The following TLE1 variants were observed in gnomAD, a reference collection of about 807,000 sequenced individuals.
The protein encoded by TLE1 is transducin-like enhancer protein 1.
A neutral mutation model predicts 89.8 loss-of-function variants in TLE1; 21 were observed. The ratio of observed to expected loss-of-function variants is 0.23; its 90% CI spans 0.17 to 0.34. The LOEUF (loss-of-function observed/expected upper bound fraction) is 0.34, where lower values mean the gene tolerates loss of function less well. TLE1 is among the 10% of genes least tolerant of loss of function. TLE1 has a pLI of 1.00. For synonymous variants in TLE1, 447 were observed against 407.6 expected (o/e 1.10, Z -1.16); for missense variants, 795 against 1,031.2 (o/e 0.77, Z 3.14).
chr9:81,661,833 A>G (rs183914481), intron 4 of TLE1, among the ~76,000 whole-genome samples: 59 of 152,326 alleles, frequency 3.9e-4, no homozygotes, highest in Non-Finnish European at 8.2e-4. Context: ...TAAGTAAGGT[A>G]GGTCATTCAG....
chr9:81,624,958 T>C (rs1033106189), intron 8 of TLE1, among the ~76,000 whole-genome samples: 2 of 152,084 alleles, frequency 1.3e-5, no homozygotes, highest in African/African-American at 4.8e-5. Flanking sequence ...TGGCATACAC[T>C]TGTGGGTACA....
intron 9 of TLE1, among the ~76,000 whole-genome samples, chr9:81,618,946 C>T (rs1314315128): frequency 6.6e-6 from 1 of 151,980 alleles, no homozygotes; most frequent in African/African-American, 2.4e-5. Context: ...CCAACATACT[C>T]TCCACACATG....
chr9:81,677,594 T>C (rs1420481594), intron 4 of TLE1, among the ~76,000 whole-genome samples: 3 of 145,808 alleles, frequency 2.1e-5, no homozygotes, highest in Non-Finnish European at 3.0e-5. Flanking sequence ...AGTAAACAAC[T>C]CAGGTAAACG....
At chr9:81,681,872 A>G (rs1393736572) in intron 4 of TLE1, among the ~76,000 whole-genome samples, 2 of 152,152 alleles carry the variant, frequency 1.3e-5, no homozygotes, top group Non-Finnish European at 2.9e-5. Context: ...CATCAGCACA[A>G]AGAGTCAGAA....
chr9:81,610,957 C>G (rs1389435820), intron 13 of TLE1, among the ~76,000 whole-genome samples: 1 of 152,152 alleles, frequency 6.6e-6, no homozygotes, highest in African/African-American at 2.4e-5. Flanking sequence ...ACTGCACAGC[C>G]TCTCCTACAA....
intron 6 of TLE1, among the ~76,000 whole-genome samples, chr9:81,638,582 T>C (rs547932506): frequency 2.9e-4 from 44 of 152,166 alleles, no homozygotes; most frequent in Non-Finnish European, 4.4e-4. Flanking sequence ...CTGATACTAC[T>C]ATATAGCCAA....
chr9:81,629,548 T>G (rs1175938491), intron 8 of TLE1, among the ~76,000 whole-genome samples: 1 of 152,214 alleles, frequency 6.6e-6, no homozygotes, highest in African/African-American at 2.4e-5. Context: ...CATAAAAACT[T>G]TCACTCTTAG....
intron 6 of TLE1, among the ~76,000 whole-genome samples, chr9:81,641,753 T>C (rs1410201648): frequency 6.6e-6 from 1 of 152,216 alleles, no homozygotes; most frequent in Non-Finnish European, 1.5e-5. Context: ...CTGGGCGCAG[T>C]GGCTCACGCC....
At chr9:81,685,240 A>G (rs1425261480) in intron 4 of TLE1, among the ~76,000 whole-genome samples, 2 of 152,128 alleles carry the variant, frequency 1.3e-5, no homozygotes, top group Admixed American at 1.3e-4. Context: ...ATAGTCATAT[A>G]CCTTGATTAC....
rs1828001714 is a variant in TLE1, at chr9:81,584,044, C to A, written c.*154G>T. ...TGACTTTCTGCTGATGGACTTGTCG[C>A]CTCCTCTTTGTAGACTCAAAGTAGT... On this transcript the variant is annotated 3_prime_UTR_variant, in exon 20 of 20. Transcript: ENST00000376499. 3.3e-5 allele frequency: 22 copies of A among 663,778 alleles called. No individual in the cohort carries two copies. The East Asian group carries it at 6.0e-4, about 18-fold the overall frequency. 41.1% of individuals were successfully genotyped at this position (663,778 alleles called of 1,614,324 possible).
chr9:81,664,787 G>C (rs1481734052), intron 4 of TLE1, among the ~76,000 whole-genome samples: 2 of 152,126 alleles, frequency 1.3e-5, no homozygotes, highest in African/African-American at 4.8e-5. Context: ...TCAAACTCCA[G>C]CGTACACGAG....
Position 81,688,428 on chromosome 9 carries a change from C to T in TLE1, c.-188G>A. 3.5e-6 allele frequency: 2 copies of T among 566,034 alleles called. No individual in the cohort carries two copies. Among genetic ancestry groups the T allele is most frequent in the Non-Finnish European group, 5.8e-6 (2 of 345,918 alleles). The allele number at this position is 566,034 out of a possible 1,614,324, so 35.1% of individuals were successfully genotyped here. ...CCGCAGCTGCTCCGGCTCCCGCTCC[C>T]GTCGGTGCGGGCTCCGGCCCTCAGG... On this transcript the variant is annotated 5_prime_UTR_variant, in exon 1 of 20. Transcript: ENST00000376499.
At chr9:81,669,526 TAC>T (rs1207166400) in intron 4 of TLE1, among the ~76,000 whole-genome samples, 1 of 152,202 alleles carries the variant, frequency 6.6e-6, no homozygotes, top group Non-Finnish European at 1.5e-5. Flanking sequence ...TTTTAACTAA[TAC>T]AGAGAATCAT....
chr9:81,614,950 T>G (rs1587973995), intron 11 of TLE1, among the ~76,000 whole-genome samples: 2 of 151,364 alleles, frequency 1.3e-5, no homozygotes, highest in Admixed American at 6.6e-5. Flanking sequence ...ATCCCAGCAC[T>G]TTGGGAGGCC....
intron 4 of TLE1, among the ~76,000 whole-genome samples, chr9:81,658,878 T>C (rs1464934112): frequency 6.6e-6 from 1 of 152,134 alleles, no homozygotes; most frequent in Non-Finnish European, 1.5e-5. Context: ...AGTCTCGTAG[T>C]GACTTTATTT....
intron 14 of TLE1, among the ~76,000 whole-genome samples, chr9:81,607,700 C>T (rs1014855551): frequency 1.5e-4 from 23 of 152,118 alleles, no homozygotes; most frequent in African/African-American, 4.3e-4. Flanking sequence ...ATAGGAAATG[C>T]TCGCAAGTGC....
chr9:81,663,998 T>C (rs1831152993), intron 4 of TLE1, among the ~76,000 whole-genome samples: 1 of 152,082 alleles, frequency 6.6e-6, no homozygotes, highest in African/African-American at 2.4e-5. Flanking sequence ...CAAACTCCAC[T>C]TTAATATTCT....
rs1388110734 is a variant in TLE1, at chr9:81,675,180, T to C, written c.234+10496A>G. Among the ~76,000 whole-genome samples, 4 of 152,170 alleles carry C rather than the reference T, an allele frequency of 2.6e-5. No individual in the cohort carries two copies. The East Asian group carries it at 5.8e-4, about 22-fold the overall frequency. On this transcript the variant is annotated intron_variant, in intron 4 of 19. Transcript: ENST00000376499. ...GAGCCTATGGAAGATATATGACAGA[T>C]AGATATTACAAAATGTTAATTTATA...
At chr9:81,654,177 T>C (rs1171155961) in intron 4 of TLE1, 141 bp from the exon 5 acceptor site, 2 of 682,148 alleles carry the variant, frequency 2.9e-6, no homozygotes, top group East Asian at 2.7e-5. Context: ...GTTATGTTAC[T>C]AATACTTATC....
Sources: gnomAD v4.1 joint callset for allele counts (sites outside exome capture counted in the v4.1 genomes callset) on GRCh38, gnomAD v4.1.1 for gene constraint, MANE v1.5 for transcripts, NCBI Gene and HGNC (gene_info 2026-07-23, HGNC 2026-07-21) for gene names.